TXNDC8: variants seen among roughly 807,000 people sequenced by gnomAD.
TXNDC8 encodes the protein thioredoxin domain containing 8, also known as thioredoxin domain-containing protein 8.
TXNDC8 carries 15 observed loss-of-function variants against 12.9 expected under a neutral mutation model. The observed-to-expected ratio is 1.16, with a 90% CI of 0.78 to 1.79. TXNDC8 has a LOEUF of 1.79. Ranked by LOEUF, TXNDC8 falls within the 40% of genes most tolerant of loss-of-function variation. The pLI is 0.00. For synonymous variants in TXNDC8, 40 were observed against 35.4 expected (o/e 1.13, Z -0.46); for missense variants, 128 against 113.2 (o/e 1.13, Z -0.59).
intron 3 of TXNDC8, among the ~76,000 whole-genome samples, chr9:110,316,274 G>A (rs1838883393): frequency 6.6e-6 from 1 of 151,956 alleles, no homozygotes; most frequent in Non-Finnish European, 1.5e-5. Flanking sequence ...AAAAAGAGGA[G>A]TTTACTAAAG....
chr9:110,312,079 A>G (rs942199018), intron 3 of TXNDC8, among the ~76,000 whole-genome samples: 2 of 151,922 alleles, frequency 1.3e-5, no homozygotes, highest in Admixed American at 6.6e-5. Flanking sequence ...AACCGAAGTA[A>G]TATTTTTGAC....
intron 3 of TXNDC8, among the ~76,000 whole-genome samples, chr9:110,307,132 T>C (rs898093628): frequency 1.3e-5 from 2 of 151,890 alleles, no homozygotes; most frequent in Admixed American, 6.6e-5. Context: ...TTTTAAATTT[T>C]TTGTAAAGGC....
At chr9:110,326,108 G>A in intron 3 of TXNDC8, 67 bp downstream of exon 4, 1 of 1,541,746 alleles carries the variant, frequency 6.5e-7, no homozygotes. Flanking sequence ...GGACAGCCAG[G>A]CTTTTTTGAG....
intron 3 of TXNDC8, among the ~76,000 whole-genome samples, chr9:110,315,734 A>G (rs1247016152): frequency 7.1e-6 from 1 of 140,980 alleles, no homozygotes; most frequent in African/African-American, 2.7e-5. Flanking sequence ...GCTGGTCTTG[A>G]TCTCCTGGGC....
Position 110,305,147 on chromosome 9 carries a change from C to CAAAA in TXNDC8, c.196-619_196-616dup, listed in dbSNP as rs769344640. 2.1e-3 allele frequency among the ~76,000 whole-genome samples: 120 copies of CAAAA among 57,042 alleles called. 3 individuals are homozygous for CAAAA. The highest frequency in any genetic ancestry group is 5.3e-3 in the African/African-American group (77 of 14,612). 37.4% of individuals were successfully genotyped at this position (57,042 alleles called of 152,430 possible). A position where few individuals can be genotyped will look rare whatever the true frequency, so the allele number is the denominator to read the frequency against. On this transcript the variant is annotated intron_variant, in intron 3 of 4. Coordinates refer to ENST00000423740, the MANE Select transcript of TXNDC8 (RefSeq NM_001286946.2). ...TGGGTGACAGAGAGAGATTCTGTCT[C>CAAAA]AAAAAAAAAAAAAAAAAAAAAAAGG...
chr9:110,315,866 G>A (rs367695988), intron 3 of TXNDC8, among the ~76,000 whole-genome samples: 5 of 151,034 alleles, frequency 3.3e-5, no homozygotes, highest in Non-Finnish European at 4.4e-5. Flanking sequence ...GGCGGGGGGC[G>A]CAGGCTGTAG....
chr9:110,311,554 T>TATAC (rs1554702056), intron 3 of TXNDC8, among the ~76,000 whole-genome samples: 27 of 130,460 alleles, frequency 2.1e-4, no homozygotes, highest in Admixed American at 4.8e-4. Context: ...TATATATATA[T>TATAC]ATATCTCCAT....
rs139881646 is a variant in TXNDC8 at position 110,312,635 on chromosome 9, C to T, written c.196-8103G>A. Among the ~76,000 whole-genome samples the T allele has an allele frequency of 1.4e-3, 216 of 152,260 alleles. 2 individuals carry two copies. In the South Asian group the frequency reaches 0.016, roughly 11 times the overall value. ...CTTATCTGAGATTCTTTCTATGGAA[C>T]GAAGTTCCATCAAAGTCAATTTAAA... On this transcript the variant is annotated intron_variant, in intron 3 of 4. Transcript: ENST00000423740.
intron 3 of TXNDC8, among the ~76,000 whole-genome samples, chr9:110,309,312 A>G (rs542433305): frequency 2.0e-5 from 3 of 152,038 alleles, no homozygotes; most frequent in Non-Finnish European, 2.9e-5. Context: ...CCTACAGGAA[A>G]ATCCCCCCAA....
At chr9:110,316,423 ATCTGT>A (rs2118773725) in intron 3 of TXNDC8, among the ~76,000 whole-genome samples, 1 of 152,192 alleles carries the variant, frequency 6.6e-6, no homozygotes, top group South Asian at 2.1e-4. Flanking sequence ...CTCCCCACCC[ATCTGT>A]TCCCCAGAGC....
At chr9:110,327,326 A>T (rs202245742) in intron 2 of TXNDC8, among the ~76,000 whole-genome samples, 223 of 114,180 alleles carry the variant, frequency 2.0e-3, no homozygotes, top group African/African-American at 6.4e-3. Flanking sequence ...TATACTATAT[A>T]TTTTTTTTTT....
At chr9:110,320,015 T>C (rs1371839298) in intron 3 of TXNDC8, among the ~76,000 whole-genome samples, 2 of 152,262 alleles carry the variant, frequency 1.3e-5, no homozygotes, top group African/African-American at 4.8e-5. Context: ...TAGTAGCATC[T>C]ATGTACTCAT....
intron 2 of TXNDC8, among the ~76,000 whole-genome samples, chr9:110,333,544 T>A (rs1203434344): frequency 1.3e-5 from 2 of 152,126 alleles, no homozygotes; most frequent in Non-Finnish European, 1.5e-5. Flanking sequence ...ACTTAAAAAT[T>A]TAGTGTAGAT....
downstream of TXNDC8, among the ~76,000 whole-genome samples, chr9:110,301,674 A>G (rs7863683): frequency 1.7e-4 from 26 of 152,304 alleles, no homozygotes; most frequent in African/African-American, 6.3e-4. Context: ...TTCCAGCACG[A>G]AGACTGGAAA....
At chr9:110,335,849 T>C (rs1003432349) in intron 1 of TXNDC8, among the ~76,000 whole-genome samples, 1 of 152,176 alleles carries the variant, frequency 6.6e-6, no homozygotes, top group Non-Finnish European at 1.5e-5. Context: ...CCACTATGGA[T>C]GGGTTTAATC....
At chr9:110,311,778 ATATATGGATATACTATATAC>A (rs1474683308) in intron 3 of TXNDC8, among the ~76,000 whole-genome samples, 6 of 144,272 alleles carry the variant, frequency 4.2e-5, no homozygotes, top group African/African-American at 7.6e-5. Context: ...TATATATACT[ATATATGGATATACTATATAC>A]TATATATACT....
intron 3 of TXNDC8, among the ~76,000 whole-genome samples, chr9:110,324,956 A>T (rs1210097989): frequency 6.6e-6 from 1 of 152,198 alleles, no homozygotes; most frequent in Non-Finnish European, 1.5e-5. Flanking sequence ...TACTAGAAAT[A>T]CAAAAATTAG....
chr9:110,312,696 A>G (rs1400292666), intron 3 of TXNDC8, among the ~76,000 whole-genome samples: 1 of 152,266 alleles, frequency 6.6e-6, no homozygotes. Flanking sequence ...GCTGCACTGT[A>G]TACAAATACT....
intron 3 of TXNDC8, among the ~76,000 whole-genome samples, chr9:110,307,803 C>T (rs1044613603): frequency 2.6e-5 from 4 of 152,216 alleles, no homozygotes; most frequent in Non-Finnish European, 4.4e-5. Flanking sequence ...AGTTGTCCTG[C>T]CTTTCCGGAC....
Sources: gnomAD v4.1 joint callset for allele counts (sites outside exome capture counted in the v4.1 genomes callset) on GRCh38, gnomAD v4.1.1 for gene constraint, MANE v1.5 for transcripts, NCBI Gene and HGNC (gene_info 2026-07-23, HGNC 2026-07-21) for gene names.